The following ZNF652 variants were observed in gnomAD, a reference collection of about 807,000 sequenced individuals.
ZNF652 encodes the protein zinc finger protein 652.
In ZNF652, 16 loss-of-function variants were observed where a neutral mutation model predicts 45.2. The observed-to-expected ratio is 0.35, with a 90% CI of 0.24 to 0.54. The LOEUF (loss-of-function observed/expected upper bound fraction) is 0.54. Ranked by LOEUF, ZNF652 falls within the 20% of genes least tolerant of loss-of-function variation. The pLI is 0.91. For synonymous variants in ZNF652, 250 were observed against 260.6 expected (o/e 0.96, Z 0.39); for missense variants, 614 against 765.6 (o/e 0.80, Z 2.34).
At chr17:49,308,638 T>C (rs956850219) in intron 5 of ZNF652, among the ~76,000 whole-genome samples, 2 of 151,996 alleles carry the variant, frequency 1.3e-5, no homozygotes, top group African/African-American at 4.8e-5. Flanking sequence ...CCCATCTCTA[T>C]TAAAAATACA....
rs1171553351 is a variant in ZNF652, at chr17:49,291,327, C to T, written c.*7086G>A. 1 of 152,196 alleles carries T rather than the reference C, an allele frequency of 6.6e-6. No individual in the cohort carries two copies. The highest frequency in any genetic ancestry group is 1.5e-5 in the Non-Finnish European group (1 of 68,046). The allele number at this position is 152,196 out of a possible 1,614,324, so 9.4% of individuals were successfully genotyped here. On this transcript the variant is annotated 3_prime_UTR_variant, in exon 6 of 6. Transcript: ENST00000430262. ...GCTGGATATTCCAGAAACAACTTGA[C>T]TCTTTGGCACATCCAGTACAGACAC...
At chr17:49,320,837 G>T (rs2069879558) in intron 1 of ZNF652, among the ~76,000 whole-genome samples, 1 of 152,026 alleles carries the variant, frequency 6.6e-6, no homozygotes, top group Non-Finnish European at 1.5e-5. Context: ...CTGGCTCTCG[G>T]CTTTCTGGGC....
At chr17:49,343,454 A>G (rs898761968) in intron 1 of ZNF652, among the ~76,000 whole-genome samples, 3 of 152,216 alleles carry the variant, frequency 2.0e-5, no homozygotes, top group Admixed American at 6.5e-5. Flanking sequence ...ACAGAGCCCA[A>G]GAGGAAGTGA....
downstream of ZNF652, among the ~76,000 whole-genome samples, chr17:49,288,931 G>A (rs1334290081): frequency 6.6e-6 from 1 of 152,132 alleles, no homozygotes; most frequent in Non-Finnish European, 1.5e-5. Flanking sequence ...TTGCTCGGCT[G>A]AACAAACTAG....
intron 1 of ZNF652, among the ~76,000 whole-genome samples, chr17:49,333,192 G>C (rs2070043176): frequency 6.6e-6 from 1 of 151,122 alleles, no homozygotes; most frequent in Non-Finnish European, 1.5e-5. Flanking sequence ...CGAGTAGCTG[G>C]GACTACAGGT....
chr17:49,337,168 T>C (rs2070094449), intron 1 of ZNF652, among the ~76,000 whole-genome samples: 1 of 151,240 alleles, frequency 6.6e-6, no homozygotes, highest in Non-Finnish European at 1.5e-5. Flanking sequence ...ATCCCATGTC[T>C]ACAAAAATTT....
chr17:49,353,499 CAG>C (rs1481827512), intron 1 of ZNF652, among the ~76,000 whole-genome samples: 2 of 151,724 alleles, frequency 1.3e-5, no homozygotes, highest in Non-Finnish European at 2.9e-5. Flanking sequence ...TTTTTTGAGA[CAG>C]AGTCTCGCTC....
chr17:49,311,966 G>A lies in ZNF652; in HGVS notation c.1125C>T (p.His375=), dbSNP rs2069718292. The A allele has an allele frequency of 6.2e-6, 10 of 1,613,884 alleles. No homozygotes were observed. Among genetic ancestry groups the A allele is most frequent in the Non-Finnish European group, 8.5e-6 (10 of 1,179,834 alleles). ...GCTTCTCTCCAGAATGCTGCAAGGA[G>A]TGCACCTTGAGTGACATACTGCGTT... ...SFKRSMSLKV[H]SLQHSGEKPF... The change falls in exon 4 of 6, where the codon CAC becomes CAT. Residue 375 remains histidine (H), a synonymous_variant. Transcript: ENST00000430262.
intron 1 of ZNF652, among the ~76,000 whole-genome samples, chr17:49,337,824 A>G (rs1330082109): frequency 1.3e-5 from 2 of 152,268 alleles, no homozygotes; most frequent in Non-Finnish European, 2.9e-5. Context: ...TCATGCATTT[A>G]CAAGCTTTGA....
chr17:49,341,684 C>T (rs1042560393), intron 1 of ZNF652, among the ~76,000 whole-genome samples: 2 of 151,750 alleles, frequency 1.3e-5, no homozygotes, highest in African/African-American at 2.4e-5. Context: ...AAAAAGGATA[C>T]CTTTTTAAAA....
At chr17:49,327,734 T>A (rs866260574) in intron 1 of ZNF652, among the ~76,000 whole-genome samples, 537 of 6,094 alleles carry the variant, frequency 0.088, 11 homozygotes, top group African/African-American at 0.21. Context: ...TAAATAAATA[T>A]ATATATATAT....
chr17:49,348,977 CA>C (rs1289825475), intron 1 of ZNF652, among the ~76,000 whole-genome samples: 2 of 151,748 alleles, frequency 1.3e-5, no homozygotes, highest in Non-Finnish European at 2.9e-5. Flanking sequence ...GAAAACAAAA[CA>C]AAAAAAGAAT....
At chr17:49,312,132 C>T in intron 3 of ZNF652, 90 bp from the exon 4 acceptor site, 1 of 647,532 alleles carries the variant, frequency 1.5e-6, no homozygotes, top group Non-Finnish European at 2.6e-6. Context: ...ATTAGGCCAT[C>T]CTAATTTTCT....
intron 1 of ZNF652, among the ~76,000 whole-genome samples, chr17:49,357,696 A>G (rs1204588676): frequency 1.3e-5 from 2 of 152,212 alleles, no homozygotes; most frequent in South Asian, 2.1e-4. Flanking sequence ...ACGTGATTCA[A>G]CTCTGGACAC....
At chr17:49,347,763 T>TTTTTTG (rs2070222342) in intron 1 of ZNF652, among the ~76,000 whole-genome samples, 1 of 99,670 alleles carries the variant, frequency 1.0e-5, no homozygotes, top group South Asian at 3.3e-4. Context: ...TTTTTTTTTT[T>TTTTTTG]GAGACACAGT....
Position 49,353,110 on chromosome 17 carries a change from T to C in ZNF652, c.-259+8799A>G, listed in dbSNP as rs566467403. On this transcript the variant is annotated intron_variant, in intron 1 of 5. Transcript: ENST00000430262. ...ATGAATATCAAAATGTCAATTTTACTGTATATTAATTTAAAAAATAAATTA... is the reference window on the plus strand; with the variant it reads ...ATGAATATCAAAATGTCAATTTTACCGTATATTAATTTAAAAAATAAATTA... 3.2e-4 allele frequency among the ~76,000 whole-genome samples: 48 copies of C among 152,340 alleles called. No homozygotes were observed. The East Asian group carries it at 8.3e-3, about 26-fold the overall frequency.
chr17:49,309,508 G>A (rs377465074), intron 5 of ZNF652, among the ~76,000 whole-genome samples: 3 of 147,374 alleles, frequency 2.0e-5, no homozygotes, highest in Admixed American at 1.4e-4. Context: ...ACTCCATCTC[G>A]GAAAAAAAAA....
At chr17:49,340,744 T>C (rs1404859697) in intron 1 of ZNF652, among the ~76,000 whole-genome samples, 1 of 151,730 alleles carries the variant, frequency 6.6e-6, no homozygotes, top group Non-Finnish European at 1.5e-5. Flanking sequence ...ACCCCATCTC[T>C]ACAAGAAATA....
At chr17:49,355,927 C>G (rs2070331561) in intron 1 of ZNF652, among the ~76,000 whole-genome samples, 1 of 151,906 alleles carries the variant, frequency 6.6e-6, no homozygotes, top group South Asian at 2.1e-4. Flanking sequence ...AAAAACAAAT[C>G]CTTCAAGTGT....
Sources: allele counts gnomAD v4.1 joint callset (sites outside exome capture counted in the v4.1 genomes callset), GRCh38; gene constraint gnomAD v4.1.1; transcripts MANE v1.5; gene names NCBI Gene and HGNC (gene_info 2026-07-23, HGNC 2026-07-21).